Variants in PLIN3 observed in about 807,000 individuals in gnomAD.
PLIN3 encodes perilipin 3.
A neutral mutation model predicts 35.9 loss-of-function variants in PLIN3; 30 were observed. The observed-to-expected ratio is 0.84, with a 90% confidence interval of 0.62 to 1.13. PLIN3 has a LOEUF of 1.13. PLIN3 is among the 50% of genes most tolerant of loss of function. PLIN3 has a pLI of 0.00. For missense variants in PLIN3, 603 were observed against 596.9 expected (o/e 1.01, Z -0.11); for synonymous variants, 261 against 262.5 (o/e 0.99, Z 0.06).
intron 1 of PLIN3, among the ~76,000 whole-genome samples, 195 bp downstream of exon 1, chr19:4,867,414 C>A (rs1036689044): frequency 6.6e-6 from 1 of 152,166 alleles, no homozygotes; most frequent in Non-Finnish European, 1.5e-5. Context: ...GTTTCAAAGT[C>A]TGAGCTTCGT....
At chr19:4,861,677 C>T (rs1001394571) in intron 1 of PLIN3, among the ~76,000 whole-genome samples, 1 of 151,930 alleles carries the variant, frequency 6.6e-6, no homozygotes, top group African/African-American at 2.4e-5. Context: ...ACTCTGTCGC[C>T]CAGGATGGAG....
rs923134774 is a variant in PLIN3, at chr19:4,844,657, C to T, written c.960+11G>A. Reference sequence around the variant, plus strand: ...GTACCCTAGGCCACCCCCCAGTCCCCTCATGGGTACCTCTGGCTTGGGCGG... The same window carrying T: ...GTACCCTAGGCCACCCCCCAGTCCCTTCATGGGTACCTCTGGCTTGGGCGG... On this transcript the variant is annotated intron_variant, in intron 7 of 7. Coordinates refer to ENST00000221957, the MANE Select transcript of PLIN3 (RefSeq NM_005817.5). 1.9e-6 allele frequency: 3 copies of T among 1,592,782 alleles called. No individual in the cohort carries two copies. The highest frequency in any genetic ancestry group is 2.6e-6 in the Non-Finnish European group (3 of 1,170,470).
At chr19:4,866,461 G>A (rs1186709301) in intron 1 of PLIN3, among the ~76,000 whole-genome samples, 2 of 152,164 alleles carry the variant, frequency 1.3e-5, no homozygotes, top group Non-Finnish European at 2.9e-5. Context: ...GACTGGAGGA[G>A]ACGCTGCTCC....
rs957645061 is a variant in PLIN3 at position 4,838,619 on chromosome 19, C to T, written c.*573G>A. On this transcript the variant is annotated 3_prime_UTR_variant, in exon 8 of 8. Transcript: ENST00000221957. ...TTTTGAGACTAAGTCTCACTCTTGTCCCCCAGGCTGGAGTGCAATGGCGCG... is the reference window on the plus strand; with the variant it reads ...TTTTGAGACTAAGTCTCACTCTTGTTCCCCAGGCTGGAGTGCAATGGCGCG... 2.0e-5 allele frequency: 3 copies of T among 146,956 alleles called. No individual in the cohort carries two copies. Among genetic ancestry groups the T allele is most frequent in the South Asian group, 4.3e-4 (2 of 4,638 alleles). 9.1% of individuals were successfully genotyped at this position (146,956 alleles called of 1,614,324 possible). A position where few individuals can be genotyped will look rare whatever the true frequency, so the allele number is the denominator to read the frequency against.
chr19:4,845,447 C>CAAAAA lies in PLIN3; in HGVS notation c.835-659_835-655dup, dbSNP rs991205636. Among the ~76,000 whole-genome samples, 9 of 151,068 alleles carry CAAAAA rather than the reference C, an allele frequency of 6.0e-5. No individual in the cohort carries two copies. The East Asian group carries it at 1.6e-3, about 26-fold the overall frequency. ...TCTCAAAACAACAAAAAACAAAAAA[C>CAAAAA]AAAAAAAAGTGCTTGTAATGAAATA... On this transcript the variant is annotated intron_variant, in intron 6 of 7. Coordinates refer to ENST00000221957, the MANE Select transcript of PLIN3 (RefSeq NM_005817.5).
chr19:4,853,813 C>CAA (rs914648873), intron 4 of PLIN3, among the ~76,000 whole-genome samples: 1 of 146,444 alleles, frequency 6.8e-6, no homozygotes, highest in Non-Finnish European at 1.5e-5. Flanking sequence ...ACTCTGTCTC[C>CAA]AAAAAAAAAC....
In PLIN3 at chr19:4,852,107, C is replaced by T. The variant is rs528975808; in HGVS notation, c.543G>A (p.Leu181=). ...CGACCCCACTCAACACCATCTGGCCCAAGCGGGAGCCCATGACCGATTGGA... is the reference window on the plus strand; with the variant it reads ...CGACCCCACTCAACACCATCTGGCCTAAGCGGGAGCCCATGACCGATTGGA... The part of the protein sequence containing the change: ...GGVQSVMGSR[L]GQMVLSGVDT... The change falls in exon 5 of 8, where the codon TTG becomes TTA. Residue 181 remains leucine, a synonymous_variant. Coordinates refer to ENST00000221957, the MANE Select transcript of PLIN3 (RefSeq NM_005817.5). The T allele has an allele frequency of 2.8e-5, 45 of 1,613,918 alleles. No individual in the cohort carries two copies. Among genetic ancestry groups the T allele is most frequent in the Non-Finnish European group, 3.6e-5 (42 of 1,179,968 alleles).
rs1349771663 is a variant in PLIN3, at chr19:4,851,324, TGTG to T, written c.634+689_634+691del. Among the ~76,000 whole-genome samples, 8 of 151,828 alleles carry T rather than the reference TGTG, an allele frequency of 5.3e-5. No individual in the cohort carries two copies. In the East Asian group the frequency reaches 1.4e-3, roughly 26 times the overall value. On this transcript the variant is annotated intron_variant, in intron 5 of 7. Coordinates refer to ENST00000221957, the MANE Select transcript of PLIN3 (RefSeq NM_005817.5). ...TACTAAAAATACAAAAAATTAGCTG[TGTG>T]GTGGCAGGTGCCTGTAATCCCAGCT... is the stretch of plus-strand genomic sequence containing the variant.
In PLIN3 at chr19:4,838,341, T is replaced by A. The variant is rs2093623004; in HGVS notation, c.*851A>T. 6.6e-6 allele frequency: 1 copy of A among 152,538 alleles called. No individual in the cohort carries two copies. The highest frequency in any genetic ancestry group is 2.4e-5 in the African/African-American group (1 of 41,434). The allele number at this position is 152,538 out of a possible 1,614,324, so 9.4% of individuals were successfully genotyped here. A position where few individuals can be genotyped will look rare whatever the true frequency, so the allele number is the denominator to read the frequency against. Reference sequence around the variant, plus strand: ...CACACACGTACACACATGGCCTGTATGCAGTTGTGGGTGAAGTTTATTAAG... The same window carrying A: ...CACACACGTACACACATGGCCTGTAAGCAGTTGTGGGTGAAGTTTATTAAG... On this transcript the variant is annotated 3_prime_UTR_variant, in exon 8 of 8. Transcript: ENST00000221957.
chr19:4,850,173 C>A (rs187521413), intron 5 of PLIN3, among the ~76,000 whole-genome samples: 1 of 151,366 alleles, frequency 6.6e-6, no homozygotes, highest in African/African-American at 2.4e-5. Flanking sequence ...CTCGAACTCC[C>A]GACCTCAACC....
chr19:4,849,401 A>G (rs371386903), intron 5 of PLIN3, among the ~76,000 whole-genome samples: 1 of 151,442 alleles, frequency 6.6e-6, no homozygotes, highest in African/African-American at 2.4e-5. Flanking sequence ...TTGAACTCCC[A>G]GGCTCAAGTG....
intron 2 of PLIN3, among the ~76,000 whole-genome samples, chr19:4,861,039 C>T (rs576218675): frequency 2.0e-5 from 3 of 152,238 alleles, no homozygotes; most frequent in Non-Finnish European, 2.9e-5. Context: ...CCTCCTAGGA[C>T]GTCCCTGAGA....
chr19:4,858,264 C>A (rs1422744532), intron 4 of PLIN3, among the ~76,000 whole-genome samples: 1 of 114,602 alleles, frequency 8.7e-6, no homozygotes, highest in Non-Finnish European at 1.8e-5. Context: ...GAGCAAGACC[C>A]CGTCTCAAAA....
In PLIN3 at chr19:4,847,771, C is replaced by T. The variant is rs763055984; in HGVS notation, c.754G>A (p.Glu252Lys). 5 of 1,613,372 alleles carry T rather than the reference C, an allele frequency of 3.1e-6. No homozygotes were observed. Among genetic ancestry groups the T allele is most frequent in the Non-Finnish European group, 4.2e-6 (5 of 1,179,830 alleles). Residue 252 changes from glutamate (E) to lysine (K), a missense_variant, in exon 6 of 8, where the codon GAG becomes AAG. Coordinates refer to ENST00000221957, the MANE Select transcript of PLIN3 (RefSeq NM_005817.5). ...LSERLRQHAYEHSLGKLRATK... is the reference protein window; with the variant it reads ...LSERLRQHAYKHSLGKLRATK... ...GCTCGAAGCTTGCCCAGCGAGTGCT[C>T]ATAGGCGTGCTGCCGCAGCCTCTCC...
intron 7 of PLIN3, among the ~76,000 whole-genome samples, chr19:4,841,741 A>G: frequency 6.6e-6 from 1 of 151,430 alleles, no homozygotes; most frequent in Non-Finnish European, 1.5e-5. Context: ...TCTCTACTAA[A>G]AAAACACAAA....
Position 4,863,497 on chromosome 19 carries a change from C to CAAAA in PLIN3, c.-17-2090_-17-2087dup, listed in dbSNP as rs57974543. Among the ~76,000 whole-genome samples, 6 of 119,976 alleles carry CAAAA rather than the reference C, an allele frequency of 5.0e-5. 1 individual carries two copies. Among genetic ancestry groups the CAAAA allele is most frequent in the Non-Finnish European group, 8.3e-5 (5 of 59,892 alleles). The allele number at this position is 119,976 out of a possible 152,430, so 78.7% of individuals were successfully genotyped here. A position where few individuals can be genotyped will look rare whatever the true frequency, so the allele number is the denominator to read the frequency against. On this transcript the variant is annotated intron_variant, in intron 1 of 7. Coordinates refer to ENST00000221957, the MANE Select transcript of PLIN3 (RefSeq NM_005817.5). ...GGGCAACAGGAGCGAAACTCTGTCT[C>CAAAA]AAAAAAAAAAAAAAAAGAGATTTAA...
chr19:4,842,775 C>A (rs575881192), intron 7 of PLIN3, among the ~76,000 whole-genome samples: 27 of 152,038 alleles, frequency 1.8e-4, no homozygotes, highest in African/African-American at 6.5e-4. Flanking sequence ...GCTTAGCAGT[C>A]GGGGAAACAG....
intron 6 of PLIN3, 127 bp downstream of exon 6, chr19:4,847,564 C>G (rs1256479388): frequency 2.6e-6 from 2 of 776,698 alleles, no homozygotes; most frequent in Non-Finnish European, 4.3e-6. Context: ...AGATACAGTG[C>G]CAGGAGCAAG....
rs7257059 is a variant in PLIN3, at chr19:4,846,261, G to C, written c.834+1430C>G. ...CCAAGATGGGTGCACCTAAGAGGCT[G>C]CAGTGAGCCATGATCATCCACTCCA... On this transcript the variant is annotated intron_variant, in intron 6 of 7. Transcript: ENST00000221957. Among the ~76,000 whole-genome samples the C allele has an allele frequency of 3.8e-3, 575 of 150,882 alleles. 1 individual carries two copies. Among genetic ancestry groups the C allele is most frequent in the African/African-American group, 0.012 (473 of 41,052 alleles).
Sources: allele counts gnomAD v4.1 joint callset (sites outside exome capture counted in the v4.1 genomes callset), GRCh38; gene constraint gnomAD v4.1.1; transcripts MANE v1.5; gene names NCBI Gene and HGNC (gene_info 2026-07-23, HGNC 2026-07-21).